CACNA1H: variants seen among roughly 807,000 people sequenced by gnomAD.
The protein encoded by CACNA1H is voltage-dependent T-type calcium channel subunit alpha-1H.
CACNA1H carries 149 observed loss-of-function variants against 192.5 expected under a neutral mutation model. That is an observed-to-expected ratio of 0.77 (90% CI 0.68 to 0.89). The LOEUF (loss-of-function observed/expected upper bound fraction) is 0.89, where lower values mean the gene tolerates loss of function less well. Among genes scored for constraint, CACNA1H ranks in the 40% least tolerant of loss-of-function variants. The pLI is 0.00. For synonymous variants in CACNA1H, 2,202 were observed against 1,475.2 expected (o/e 1.49, Z -11.29); for missense variants, 4,257 against 3,423.5 (o/e 1.24, Z -6.08).
At chr16:1,158,388 G>A (rs1309108004) in intron 2 of CACNA1H, among the ~76,000 whole-genome samples, 1 of 152,108 alleles carries the variant, frequency 6.6e-6, no homozygotes, top group African/African-American at 2.4e-5. Context: ...GGGGTCCGCC[G>A]AGCGCCTGGG....
chr16:1,168,175 G>T (rs752586462), intron 2 of CACNA1H, among the ~76,000 whole-genome samples: 1 of 151,370 alleles, frequency 6.6e-6, no homozygotes, highest in South Asian at 2.1e-4. Flanking sequence ...CCCTCCAGTT[G>T]GGGCGGTTGA....
intron 34 of CACNA1H, among the ~76,000 whole-genome samples, chr16:1,219,624 C>T (rs1002181027): frequency 2.0e-5 from 3 of 152,350 alleles, no homozygotes. Context: ...CAGTACAAGA[C>T]GCCTGTACCG....
Position 1,195,940 on chromosome 16 carries a change from C to G in CACNA1H, c.560C>G (p.Ser187Trp). The change falls in exon 5 of 35, where the codon TCG becomes TGG. Residue 187 changes from serine (S) to tryptophan (W), a missense_variant. By Grantham distance (177) the Ser-to-Trp change is radical. Transcript: ENST00000348261. ...CCCGCCCCCAGCATGATGGAGTACTCGTTGGACGGACACAACGTGAGCCTC... is the reference window on the plus strand; with the variant it reads ...CCCGCCCCCAGCATGATGGAGTACTGGTTGGACGGACACAACGTGAGCCTC... The part of the protein sequence containing the change: ...FIVVAGMMEY[S>W]LDGHNVSLSA... 4 of 1,613,002 alleles carry G rather than the reference C, an allele frequency of 2.5e-6. No homozygotes were observed. The highest frequency in any genetic ancestry group is 3.4e-6 in the Non-Finnish European group (4 of 1,179,750).
At chr16:1,217,061 G>C in intron 31 of CACNA1H, 51 bp downstream of exon 31, 2 of 1,436,874 alleles carry the variant, frequency 1.4e-6, no homozygotes, top group Non-Finnish European at 1.9e-6. Context: ...CCTGACAGGC[G>C]CCCCTGTGCC....
At position 1,215,270 on chromosome 16, in the gene CACNA1H, C is replaced by A; in HGVS notation, c.5068C>A (p.Leu1690Met). ...GAACCAGCTGGACCTGGCCATCGTG[C>A]TGCTGTCACTCATGGGCATCACGCT... ...RWNQLDLAIV[L>M]LSLMGITLEE... The change falls in exon 29 of 35, where the codon CTG (leucine) becomes ATG (methionine). Residue 1690 changes from leucine to methionine, a missense_variant. Physicochemically the swap from Leu to Met is conservative, Grantham distance 15. Transcript: ENST00000348261. 1 of 1,606,674 alleles carries A rather than the reference C, an allele frequency of 6.2e-7. No individual in the cohort carries two copies. Among genetic ancestry groups the A allele is most frequent in the African/African-American group, 1.3e-5 (1 of 74,920 alleles).
intron 6 of CACNA1H, among the ~76,000 whole-genome samples, chr16:1,200,051 C>T (rs1967632465): frequency 6.6e-6 from 1 of 152,176 alleles, no homozygotes. Flanking sequence ...CTGGTCCTGG[C>T]TGTGTCCCCT....
Position 1,204,268 on chromosome 16 carries a change from C to T in CACNA1H, c.2261C>T (p.Pro754Leu). ...CCCCGTGCGACGGACACACCAGGCC[C>T]AGGCCCAGGCAGCCCCCAGCGGCGG... ...RPPRATDTPGPGPGSPQRRAQ... is the reference protein window; with the variant it reads ...RPPRATDTPGLGPGSPQRRAQ... The change falls in exon 10 of 35, where the codon CCA becomes CTA. Residue 754 changes from proline (P) to leucine (L), a missense_variant. Transcript: ENST00000348261. The T allele has an allele frequency of 1.9e-6, 3 of 1,608,774 alleles. No individual in the cohort carries two copies. Among genetic ancestry groups the T allele is most frequent in the Non-Finnish European group, 2.5e-6 (3 of 1,177,910 alleles).
At chr16:1,161,568 G>C (rs952057935) in intron 2 of CACNA1H, among the ~76,000 whole-genome samples, 1 of 152,212 alleles carries the variant, frequency 6.6e-6, no homozygotes, top group African/African-American at 2.4e-5. Flanking sequence ...GCCACAGGAG[G>C]GGGGCTAGCG....
intron 2 of CACNA1H, among the ~76,000 whole-genome samples, chr16:1,184,047 C>T (rs1438880265): frequency 6.6e-6 from 1 of 152,200 alleles, no homozygotes; most frequent in Non-Finnish European, 1.5e-5. Flanking sequence ...CGGGCTGTGC[C>T]TGGCCCATCA....
intron 2 of CACNA1H, among the ~76,000 whole-genome samples, chr16:1,187,128 G>C (rs114760273): frequency 5.9e-5 from 9 of 152,246 alleles, no homozygotes; most frequent in Admixed American, 5.9e-4. Context: ...GGGCTTCCCC[G>C]GTGAATACAC....
chr16:1,200,180 A>T (rs562296354), intron 6 of CACNA1H, 76 bp from the exon 7 acceptor site: 1 of 1,235,800 alleles, frequency 8.1e-7, no homozygotes, highest in East Asian at 2.6e-5. Flanking sequence ...CACGTCCCTG[A>T]TCACAATCGT....
At chr16:1,166,084 G>A (rs17135186) in intron 2 of CACNA1H, among the ~76,000 whole-genome samples, 2,844 of 152,320 alleles carry the variant, frequency 0.019, 64 homozygotes, top group African/African-American at 0.049. Flanking sequence ...GAGAGCTGAC[G>A]CCGAGATTTC....
Position 1,183,763 on chromosome 16 carries a change from C to T in CACNA1H, c.300-11209C>T, listed in dbSNP as rs1030442808. Among the ~76,000 whole-genome samples the T allele has an allele frequency of 6.6e-5, 10 of 152,368 alleles. No individual in the cohort carries two copies. The East Asian group carries it at 9.6e-4, about 15-fold the overall frequency. On this transcript the variant is annotated intron_variant, in intron 2 of 34. Transcript: ENST00000348261. The stretch of plus-strand genomic sequence containing the variant: ...TGGGGGGAGCGTGCAAGAGCACATG[C>T]GTATACACGGGTGAGCACGTGACCT...
In CACNA1H at chr16:1,221,254, G is replaced by T. The variant is rs1272571820; in HGVS notation, c.*260G>T. On this transcript the variant is annotated 3_prime_UTR_variant, in exon 35 of 35. Transcript: ENST00000348261. Reference sequence around the variant, plus strand: ...CGAGGCTGTGCGGGCAACTGGGTCAGCCTCCCGTCAGGAGAGAAGCCGCGT... The same window carrying T: ...CGAGGCTGTGCGGGCAACTGGGTCATCCTCCCGTCAGGAGAGAAGCCGCGT... 6 of 477,368 alleles carry T rather than the reference G, an allele frequency of 1.3e-5. No homozygotes were observed. The highest frequency in any genetic ancestry group is 2.2e-5 in the Non-Finnish European group (6 of 273,160). 29.6% of individuals were successfully genotyped at this position (477,368 alleles called of 1,614,324 possible).
Position 1,205,360 on chromosome 16 carries a change from G to A in CACNA1H, c.2603+95G>A, listed in dbSNP as rs920786184. The A allele has an allele frequency of 3.9e-5, 50 of 1,294,294 alleles. No homozygotes were observed. In the Admixed American group the frequency reaches 8.8e-4, roughly 23 times the overall value. 80.2% of individuals were successfully genotyped at this position (1,294,294 alleles called of 1,614,324 possible). On this transcript the variant is annotated intron_variant, in intron 11 of 34. Coordinates refer to ENST00000348261, the MANE Select transcript of CACNA1H (RefSeq NM_021098.3). ...CAGAGCAAAACCCAGAGCACAGGAG[G>A]AAGTACGACGATAGCTCTTTATGAC...
Position 1,195,919 on chromosome 16 carries a change from C to T in CACNA1H, c.546-7C>T, listed in dbSNP as rs1284560081. On this transcript the variant is annotated splice_polypyrimidine_tract_variant and splice_region_variant and intron_variant, in intron 4 of 34. Transcript: ENST00000348261. ...GTTGAGCTGCTCCCCCTCGGCCCCG[C>T]CCCCAGCATGATGGAGTACTCGTTG... 5.0e-6 allele frequency: 8 copies of T among 1,611,146 alleles called. No homozygotes were observed. The highest frequency in any genetic ancestry group is 4.5e-5 in the East Asian group (2 of 44,878).
chr16:1,186,610 G>T (rs1966088425), intron 2 of CACNA1H, among the ~76,000 whole-genome samples: 1 of 152,090 alleles, frequency 6.6e-6, no homozygotes. Context: ...CCTGCACTGT[G>T]GCTTCTGTCG....
At chr16:1,214,277 C>T (rs1300710958) in intron 27 of CACNA1H, among the ~76,000 whole-genome samples, 4 of 152,216 alleles carry the variant, frequency 2.6e-5, no homozygotes, top group Non-Finnish European at 5.9e-5. Context: ...TATTCGGGTC[C>T]CCCTGCATCC....
rs1475177119 is a variant in CACNA1H at position 1,180,535 on chromosome 16, T to C, written c.300-14437T>C. On this transcript the variant is annotated intron_variant, in intron 2 of 34. Coordinates refer to ENST00000348261, the MANE Select transcript of CACNA1H (RefSeq NM_021098.3). The surrounding 1 kb of genome is among the most constrained non-coding windows in gnomAD (Gnocchi z 4.4). ...CCCCCTCCGAGGCACAGCCACAGTCTCTGGGTCCTGAGCAGGGGCTGCAGT... is the reference window on the plus strand; with the variant it reads ...CCCCCTCCGAGGCACAGCCACAGTCCCTGGGTCCTGAGCAGGGGCTGCAGT... Among the ~76,000 whole-genome samples, 4 of 152,122 alleles carry C rather than the reference T, an allele frequency of 2.6e-5. No individual in the cohort carries two copies. The highest frequency in any genetic ancestry group is 5.9e-5 in the Non-Finnish European group (4 of 67,994).
Sources: gnomAD v4.1 joint callset for allele counts (sites outside exome capture counted in the v4.1 genomes callset) on GRCh38, gnomAD v4.1.1 for gene constraint, Gnocchi (gnomAD v3.1) non-coding constraint, MANE v1.5 for transcripts, NCBI Gene and HGNC (gene_info 2026-07-23, HGNC 2026-07-21) for gene names.